SLC9A7: variants seen among roughly 807,000 people sequenced by gnomAD.
The protein encoded by SLC9A7 is solute carrier family 9 member A7, also known as sodium/hydrogen exchanger 7.
Under a neutral mutation model 52.6 loss-of-function variants are expected in SLC9A7, and 19 were observed. That is an observed-to-expected ratio of 0.36 (90% CI 0.25 to 0.53). The LOEUF (loss-of-function observed/expected upper bound fraction) is 0.53, where lower values mean the gene tolerates loss of function less well. Among genes scored for constraint, SLC9A7 ranks in the 20% least tolerant of loss-of-function variants. The pLI, the probability that SLC9A7 is intolerant of heterozygous loss-of-function variation, is 0.91. For synonymous variants in SLC9A7, 226 were observed against 252.1 expected, an observed-to-expected ratio of 0.90 and a Z score of 0.98; for missense variants, 455 against 597.9, an observed-to-expected ratio of 0.76 and a Z score of 2.49.
intron 14 of SLC9A7, among the ~76,000 whole-genome samples, chrX:46,627,692 GA>G (rs1289413309): frequency 9.9e-6 from 1 of 100,935 alleles, no homozygotes; most frequent in Non-Finnish European, 2.0e-5. Context: ...TCTTGACTCT[GA>G]GTTTTTAGAA....
At chrX:46,740,776 A>G (rs1341048574) in intron 1 of SLC9A7, among the ~76,000 whole-genome samples, 1 of 110,382 alleles carries the variant, frequency 9.1e-6, no homozygotes, top group Non-Finnish European at 1.9e-5. Flanking sequence ...CTAATTCAAC[A>G]CTGTACTAGA....
Position 46,672,597 on chromosome X carries a change from G to C in SLC9A7, c.634C>G (p.Leu212Val). ...RHFFRNLGSI[L>V]AYAFLGTAVS... is the part of the protein sequence containing the mutation. ...GCAGTCCCCAAGAAGGCATAGGCCA[G>C]TATAGATCCAAGATTTCTGAAAAAG... Residue 212 changes from leucine to valine, a missense_variant, in exon 4 of 17, where the codon CTG becomes GTG. Coordinates refer to ENST00000616978, the MANE Select transcript of SLC9A7 (RefSeq NM_001257291.2). The C allele has an allele frequency of 8.3e-7, 1 of 1,205,081 alleles. No homozygotes were observed.
At chrX:46,705,681 A>T (rs191018851) in intron 1 of SLC9A7, among the ~76,000 whole-genome samples, 17 of 112,147 alleles carry the variant, frequency 1.5e-4, no homozygotes, top group Admixed American at 1.0e-3. Flanking sequence ...CAAAAAAATT[A>T]AAAAATCAAC....
intron 1 of SLC9A7, among the ~76,000 whole-genome samples, chrX:46,707,102 T>A (rs1244744121): frequency 1.8e-5 from 2 of 111,516 alleles, no homozygotes; most frequent in African/African-American, 6.5e-5. Context: ...CACTCCTCAG[T>A]ACTTTACCTG....
intron 15 of SLC9A7, among the ~76,000 whole-genome samples, 181 bp from the exon 16 acceptor site, chrX:46,613,575 A>G (rs1052730702): frequency 1.8e-5 from 2 of 112,572 alleles, no homozygotes; most frequent in Non-Finnish European, 3.7e-5. Flanking sequence ...ACGCCCTATC[A>G]GCCTTAAATA....
Position 46,605,806 on chromosome X carries a change from T to C in SLC9A7, c.*1146A>G, listed in dbSNP as rs1267435561. On this transcript the variant is annotated 3_prime_UTR_variant, in exon 17 of 17. Coordinates refer to ENST00000616978, the MANE Select transcript of SLC9A7 (RefSeq NM_001257291.2). ...GTGTTATTTCTAAACCCAGAGTAGA[T>C]ACTTCAGTCCTAGTGATTATTTCCC... 1 of 111,834 alleles carries C rather than the reference T, an allele frequency of 8.9e-6. No homozygotes were observed. The highest frequency in any genetic ancestry group is 3.3e-5 in the African/African-American group (1 of 30,714). The allele number at this position is 111,834 out of a possible 1,213,427, so 9.2% of individuals were successfully genotyped here. A position where few individuals can be genotyped will look rare whatever the true frequency, so the allele number is the denominator to read the frequency against.
In SLC9A7 at chrX:46,605,145, C is replaced by G. The variant is rs1942722279; in HGVS notation, c.*1807G>C. 2.0e-5 allele frequency: 2 copies of G among 100,838 alleles called. No individual in the cohort carries two copies. The highest frequency in any genetic ancestry group is 5.1e-3 in the Middle Eastern group (1 of 198). The allele number at this position is 100,838 out of a possible 1,213,427, so 8.3% of individuals were successfully genotyped here. ...GGCGGAGGTTGCAGTAAGCCGAGAT[C>G]GCGCCACTGCACTCCAGCCTGGGTG... On this transcript the variant is annotated 3_prime_UTR_variant, in exon 17 of 17. Transcript: ENST00000616978.
At chrX:46,695,208 TAA>T (rs748714781) in intron 1 of SLC9A7, among the ~76,000 whole-genome samples, 293 of 112,702 alleles carry the variant, frequency 2.6e-3, no homozygotes, top group Non-Finnish European at 4.4e-3. Context: ...TATATGTCAA[TAA>T]AGTTTTTTTT....
At position 46,626,587 on chromosome X, in the gene SLC9A7, G is replaced by T. The variant is rs186975819; in HGVS notation, c.1740+4999C>A. Among the ~76,000 whole-genome samples the T allele has an allele frequency of 3.5e-5, 4 of 112,847 alleles. No homozygotes were observed. The South Asian group carries it at 1.1e-3, about 31-fold the overall frequency. On this transcript the variant is annotated intron_variant, in intron 14 of 16. Transcript: ENST00000616978. ...ACCACGCCCGGCCTGGGCCTGGTAT[G>T]TTTGGGCTCTGTGTACCCCCACAAG...
rs894446776 is a variant in SLC9A7 at position 46,693,147 on chromosome X, C to T, written c.326-10612G>A. Among the ~76,000 whole-genome samples, 5 of 112,030 alleles carry T rather than the reference C, an allele frequency of 4.5e-5. No individual in the cohort carries two copies. The Admixed American group carries it at 4.8e-4, about 11-fold the overall frequency. On this transcript the variant is annotated intron_variant, in intron 1 of 16. Transcript: ENST00000616978. ...TCCCATATTCATAAATTAGAAGACT[C>T]AATATAGCTAACATGACAATGCTCC...
intron 1 of SLC9A7, among the ~76,000 whole-genome samples, chrX:46,698,101 C>T (rs1204273681): frequency 8.9e-6 from 1 of 111,938 alleles, no homozygotes; most frequent in East Asian, 2.8e-4. Flanking sequence ...CTAAGGTGCC[C>T]AAAACTTCAT....
chrX:46,621,018 C>A lies in SLC9A7; in HGVS notation c.1782G>T (p.Glu594Asp). 3 of 1,208,797 alleles carry A rather than the reference C, an allele frequency of 2.5e-6. No individual in the cohort carries two copies. The highest frequency in any genetic ancestry group is 1.8e-5 in the South Asian group (1 of 56,371). ...DSARGNRTKQ[E>D]SAWIFRLWYS... The stretch of plus-strand genomic sequence containing the variant: ...ACCACAGCCTGAATATCCATGCGCT[C>A]TCCTGTTTTGTCCGGTTTCCTCTGG... Residue 594 changes from glutamate (E) to aspartate (D), a missense_variant, in exon 15 of 17, where the codon GAG becomes GAT. Around this residue, in one of 3 missense-constraint regions of SLC9A7, gnomAD observed 146 missense variants for 160.5 expected, o/e 0.91. Transcript: ENST00000616978.
intron 1 of SLC9A7, among the ~76,000 whole-genome samples, chrX:46,718,018 G>A (rs1166592823): frequency 1.8e-5 from 2 of 111,610 alleles, no homozygotes; most frequent in Non-Finnish European, 3.8e-5. Context: ...AACAAAGCTG[G>A]AGGCATCACG....
intron 1 of SLC9A7, among the ~76,000 whole-genome samples, chrX:46,707,628 T>C (rs909123748): frequency 1.8e-5 from 2 of 112,412 alleles, no homozygotes; most frequent in Admixed American, 9.4e-5. Context: ...TCAAATGCAA[T>C]AAACTGGCCT....
Position 46,603,028 on chromosome X carries a change from C to CT in SLC9A7, c.*3923dup, listed in dbSNP as rs1454898153. Reference sequence around the variant, plus strand: ...GGAAAGCAGTTCTGATTCCAAATGGCTGACAGCTCGGGGTTAGTGACAAAG... The same window carrying CT: ...GGAAAGCAGTTCTGATTCCAAATGGCTTGACAGCTCGGGGTTAGTGACAAAG... On this transcript the variant is annotated 3_prime_UTR_variant, in exon 17 of 17. Transcript: ENST00000616978. 1.8e-5 allele frequency: 2 copies of CT among 112,155 alleles called. No homozygotes were observed. Among genetic ancestry groups the CT allele is most frequent in the African/African-American group, 6.5e-5 (2 of 30,851 alleles). The allele number at this position is 112,155 out of a possible 1,213,427, so 9.2% of individuals were successfully genotyped here. A position where few individuals can be genotyped will look rare whatever the true frequency, so the allele number is the denominator to read the frequency against.
At chrX:46,713,374 G>A (rs1301102241) in intron 1 of SLC9A7, among the ~76,000 whole-genome samples, 9 of 109,203 alleles carry the variant, frequency 8.2e-5, no homozygotes, top group East Asian at 2.9e-4. Context: ...GGTGGCGGGC[G>A]CCTGTAATCC....
At chrX:46,721,589 G>A (rs1420870291) in intron 1 of SLC9A7, among the ~76,000 whole-genome samples, 4 of 111,290 alleles carry the variant, frequency 3.6e-5, no homozygotes, top group Non-Finnish European at 7.5e-5. Flanking sequence ...TCCCTGTGGG[G>A]TTATCTTCAG....
intron 1 of SLC9A7, among the ~76,000 whole-genome samples, chrX:46,694,301 GA>G (rs989782158): frequency 7.3e-5 from 8 of 109,546 alleles, no homozygotes; most frequent in Non-Finnish European, 1.3e-4. Context: ...AAAAAAGAGA[GA>G]AAAAAAGACA....
intron 1 of SLC9A7, among the ~76,000 whole-genome samples, chrX:46,730,281 A>C (rs1227527912): frequency 9.0e-6 from 1 of 110,894 alleles, no homozygotes; most frequent in Non-Finnish European, 1.9e-5. Flanking sequence ...ATGAGAGTTA[A>C]AAATGAAAAA....
Sources: allele counts gnomAD v4.1 joint callset (sites outside exome capture counted in the v4.1 genomes callset), GRCh38; gene constraint gnomAD v4.1.1; regional missense constraint gnomAD v4.1.1; transcripts MANE v1.5; gene names NCBI Gene and HGNC (gene_info 2026-07-23, HGNC 2026-07-21).